The following ASIC2 variants were observed in gnomAD, a reference collection of about 807,000 sequenced individuals.
The protein encoded by ASIC2 is acid sensing ion channel subunit 2.
In ASIC2, 25 loss-of-function variants were observed where a neutral mutation model predicts 57.3. The observed-to-expected ratio is 0.44, with a 90% CI of 0.32 to 0.61. The LOEUF is 0.61. ASIC2 is among the 20% of genes least tolerant of loss of function. ASIC2 has a pLI of 0.06. For synonymous variants in ASIC2, 319 were observed against 307.5 expected, an observed-to-expected ratio of 1.04 and a Z score of -0.39; for missense variants, 641 against 738.1, an observed-to-expected ratio of 0.87 and a Z score of 1.52.
chr17:33,144,364 G>A (rs780400203), intron 1 of ASIC2, among the ~76,000 whole-genome samples: 8 of 151,996 alleles, frequency 5.3e-5, no homozygotes, highest in Non-Finnish European at 1.2e-4. Context: ...GGGTGGGATA[G>A]GGAAGAGAAG....
intron 1 of ASIC2, among the ~76,000 whole-genome samples, chr17:33,153,192 G>A (rs1242684914): frequency 6.6e-6 from 1 of 152,248 alleles, no homozygotes; most frequent in Non-Finnish European, 1.5e-5. Context: ...ATAGCCAGGT[G>A]GGGGTAGAGC....
intron 1 of ASIC2, among the ~76,000 whole-genome samples, chr17:33,454,268 A>G (rs926102033): frequency 1.3e-5 from 2 of 152,224 alleles, no homozygotes; most frequent in African/African-American, 2.4e-5. Context: ...ACTGTCCACT[A>G]TGTTGATCTG....
intron 1 of ASIC2, among the ~76,000 whole-genome samples, chr17:33,202,017 C>CCAAAAAA (rs1906885059): frequency 1.1e-5 from 1 of 92,292 alleles, no homozygotes; most frequent in Non-Finnish European, 2.2e-5. Context: ...GAGACTGTCT[C>CCAAAAAA]AAAAAAAAAA....
At chr17:33,548,483 T>C (rs1223096357) in intron 1 of ASIC2, among the ~76,000 whole-genome samples, 3 of 152,064 alleles carry the variant, frequency 2.0e-5, no homozygotes, top group East Asian at 3.9e-4. Context: ...TCTAGAAAAC[T>C]AGATTGGAAG....
intron 1 of ASIC2, among the ~76,000 whole-genome samples, chr17:33,635,620 AAGAC>A (rs1906333653): frequency 6.6e-6 from 1 of 152,252 alleles, no homozygotes; most frequent in African/African-American, 2.4e-5. Flanking sequence ...ATGCTTAAGA[AAGAC>A]AGTTAAATAA....
At chr17:33,047,261 C>T (rs3025229) in intron 3 of ASIC2, among the ~76,000 whole-genome samples, 6,207 of 152,228 alleles carry the variant, frequency 0.041, 454 homozygotes, top group African/African-American at 0.14. Context: ...CTGTCCTCAT[C>T]CCTAGAAATG....
intron 1 of ASIC2, among the ~76,000 whole-genome samples, chr17:33,816,235 A>G (rs114153300): frequency 1.1e-3 from 166 of 152,182 alleles, no homozygotes; most frequent in African/African-American, 3.9e-3. Flanking sequence ...ATGCATTGCT[A>G]TGGGCTTCTT....
intron 1 of ASIC2, among the ~76,000 whole-genome samples, chr17:33,304,563 G>C (rs929329523): frequency 6.6e-6 from 1 of 152,186 alleles, no homozygotes; most frequent in Non-Finnish European, 1.5e-5. Context: ...AGATGCTGCT[G>C]CCTGATGTGG....
chr17:33,256,582 C>A (rs866626582), intron 1 of ASIC2, among the ~76,000 whole-genome samples: 3 of 152,210 alleles, frequency 2.0e-5, no homozygotes, highest in African/African-American at 4.8e-5. Context: ...AGCACTCACA[C>A]CTGTTTTTCC....
At chr17:34,145,337 G>GT (rs1019971457) in intron 1 of ASIC2, among the ~76,000 whole-genome samples, 31 of 152,022 alleles carry the variant, frequency 2.0e-4, no homozygotes, top group East Asian at 5.8e-4. Flanking sequence ...TCTATTATCA[G>GT]TTTTTTTTCC....
At chr17:33,590,194 C>T (rs1904779540) in intron 1 of ASIC2, among the ~76,000 whole-genome samples, 1 of 152,184 alleles carries the variant, frequency 6.6e-6, no homozygotes, top group South Asian at 2.1e-4. Flanking sequence ...ACTTCCACCC[C>T]ACCAAGGAAC....
chr17:33,823,056 T>C (rs939487044), intron 1 of ASIC2, among the ~76,000 whole-genome samples: 3 of 152,228 alleles, frequency 2.0e-5, no homozygotes, highest in African/African-American at 7.2e-5. Flanking sequence ...TTCTGGACTC[T>C]ACTAGTGACT....
chr17:34,151,117 A>T (rs1031103994), intron 1 of ASIC2, among the ~76,000 whole-genome samples: 2 of 148,136 alleles, frequency 1.4e-5, no homozygotes, highest in African/African-American at 4.9e-5. Context: ...AAAAAAAAAA[A>T]AAAAAAAATA....
At chr17:33,602,187 T>A (rs1176184501) in intron 1 of ASIC2, among the ~76,000 whole-genome samples, 1 of 152,222 alleles carries the variant, frequency 6.6e-6, no homozygotes, top group Non-Finnish European at 1.5e-5. Context: ...TGGGATAGAA[T>A]GAAGGTATTT....
intron 1 of ASIC2, among the ~76,000 whole-genome samples, chr17:33,428,795 A>G (rs1911304264): frequency 6.6e-6 from 1 of 152,214 alleles, no homozygotes; most frequent in Admixed American, 6.5e-5. Flanking sequence ...TTCTGTCCAG[A>G]CCACGTTCCT....
chr17:33,369,577 G>A (rs1216105679), intron 1 of ASIC2, among the ~76,000 whole-genome samples: 1 of 152,172 alleles, frequency 6.6e-6, no homozygotes, highest in East Asian at 1.9e-4. Flanking sequence ...TGCCATGCTG[G>A]GTACTGGGCA....
At chr17:33,277,149 A>G (rs116768511) in intron 1 of ASIC2, among the ~76,000 whole-genome samples, 1,605 of 152,288 alleles carry the variant, frequency 0.011, 37 homozygotes, top group African/African-American at 0.037. Context: ...CTGTCTATAG[A>G]TGACCCAGGT....
At chr17:33,701,562 G>T (rs560973563) in intron 1 of ASIC2, among the ~76,000 whole-genome samples, 1 of 152,174 alleles carries the variant, frequency 6.6e-6, no homozygotes, top group African/African-American at 2.4e-5. Flanking sequence ...ATTCCAAAGG[G>T]TGTTGGTCCC....
chr17:33,509,959 T>C (rs1341072819), intron 1 of ASIC2, among the ~76,000 whole-genome samples: 2 of 152,194 alleles, frequency 1.3e-5, no homozygotes, highest in Admixed American at 6.5e-5. Flanking sequence ...AAATTCAGCT[T>C]AAGAGTAGAT....
Sources: gnomAD v4.1 joint callset for allele counts (sites outside exome capture counted in the v4.1 genomes callset) on GRCh38, gnomAD v4.1.1 for gene constraint, MANE v1.5 for transcripts, NCBI Gene and HGNC (gene_info 2026-07-23, HGNC 2026-07-21) for gene names.